KCTD8: variants seen among roughly 807,000 people sequenced by gnomAD.
KCTD8 encodes potassium channel tetramerization domain containing 8.
A neutral mutation model predicts 31.5 loss-of-function variants in KCTD8; 27 were observed. The ratio of observed to expected loss-of-function variants is 0.86; its 90% CI spans 0.63 to 1.18. The LOEUF (loss-of-function observed/expected upper bound fraction) is 1.18. KCTD8 is among the 50% of genes most tolerant of loss of function. The pLI, the probability that KCTD8 is intolerant of heterozygous loss-of-function variation, is 0.00. For missense variants in KCTD8, 658 were observed against 647.7 expected (o/e 1.02, Z -0.17); for synonymous variants, 290 against 280.0 (o/e 1.04, Z -0.36).
At chr4:44,275,227 T>C (rs1716720739) in intron 1 of KCTD8, among the ~76,000 whole-genome samples, 1 of 151,960 alleles carries the variant, frequency 6.6e-6, no homozygotes, top group Non-Finnish European at 1.5e-5. Context: ...AGATTGGTTC[T>C]TAATGTTACA....
intron 1 of KCTD8, among the ~76,000 whole-genome samples, chr4:44,205,339 C>T (rs377031339): frequency 1.3e-5 from 2 of 152,020 alleles, no homozygotes; most frequent in African/African-American, 4.8e-5. Flanking sequence ...GTGAAACGTA[C>T]CTGTAGAAAT....
At chr4:44,338,797 C>T (rs1003555351) in intron 1 of KCTD8, among the ~76,000 whole-genome samples, 6 of 152,106 alleles carry the variant, frequency 3.9e-5, no homozygotes, top group South Asian at 2.1e-4. Flanking sequence ...AAAGTAGATA[C>T]ATTTAAAATT....
chr4:44,433,434 C>T (rs557824610), intron 1 of KCTD8, among the ~76,000 whole-genome samples: 10 of 151,814 alleles, frequency 6.6e-5, no homozygotes, highest in Non-Finnish European at 1.3e-4. Context: ...TTTCTTCTGT[C>T]CCACATGGGA....
At chr4:44,433,396 G>T (rs1560453697) in intron 1 of KCTD8, among the ~76,000 whole-genome samples, 1 of 151,646 alleles carries the variant, frequency 6.6e-6, no homozygotes, top group Non-Finnish European at 1.5e-5. Flanking sequence ...ACAAAGAAAG[G>T]TCTGGGACAT....
At chr4:44,365,254 T>G (rs1452407222) in intron 1 of KCTD8, among the ~76,000 whole-genome samples, 1 of 152,068 alleles carries the variant, frequency 6.6e-6, no homozygotes, top group Non-Finnish European at 1.5e-5. Context: ...CTATTAATAC[T>G]TTTCAATAAA....
intron 1 of KCTD8, among the ~76,000 whole-genome samples, chr4:44,432,547 A>G (rs576449006): frequency 6.6e-6 from 1 of 151,808 alleles, no homozygotes; most frequent in South Asian, 2.1e-4. Context: ...TGATACTACT[A>G]CAGGTACCTC....
At chr4:44,198,260 A>T (rs1714009698) in intron 1 of KCTD8, among the ~76,000 whole-genome samples, 1 of 152,192 alleles carries the variant, frequency 6.6e-6, no homozygotes, top group South Asian at 2.1e-4. Context: ...AAATTTCCCC[A>T]ATCTTGCTAG....
intron 1 of KCTD8, among the ~76,000 whole-genome samples, chr4:44,352,449 A>T (rs1200298689): frequency 6.7e-6 from 1 of 150,162 alleles, no homozygotes. Context: ...AGAGAATAGA[A>T]TGGAAATAGT....
chr4:44,404,380 T>C (rs1720736251), intron 1 of KCTD8, among the ~76,000 whole-genome samples: 1 of 152,210 alleles, frequency 6.6e-6, no homozygotes. Flanking sequence ...AAGGGTTATA[T>C]GTAAGAAGTT....
chr4:44,371,477 T>G (rs1220778617), intron 1 of KCTD8, among the ~76,000 whole-genome samples: 1 of 152,198 alleles, frequency 6.6e-6, no homozygotes, highest in African/African-American at 2.4e-5. Context: ...CACAGAGTAA[T>G]GTCCAATAAG....
intron 1 of KCTD8, among the ~76,000 whole-genome samples, chr4:44,299,896 C>T (rs1367207000): frequency 2.0e-5 from 3 of 151,340 alleles, no homozygotes; most frequent in Admixed American, 6.6e-5. Flanking sequence ...GGACTACAGG[C>T]ACCCGCCACC....
chr4:44,340,082 T>C (rs768328135), intron 1 of KCTD8, among the ~76,000 whole-genome samples: 1 of 151,802 alleles, frequency 6.6e-6, no homozygotes, highest in African/African-American at 2.4e-5. Context: ...CAGCACTAAA[T>C]ATGTAAAAGG....
chr4:44,374,675 T>C (rs1021294283), intron 1 of KCTD8, among the ~76,000 whole-genome samples: 4 of 152,136 alleles, frequency 2.6e-5, no homozygotes, highest in South Asian at 4.2e-4. Context: ...AAGGCCACTA[T>C]AGGGAGGCTT....
chr4:44,358,189 T>C (rs7660819), intron 1 of KCTD8, among the ~76,000 whole-genome samples: 15,123 of 152,064 alleles, frequency 0.099, 831 homozygotes, highest in African/African-American at 0.13. Flanking sequence ...GAATGATGGT[T>C]TCCAGCTTCA....
chr4:44,174,304 T>C lies in KCTD8; in HGVS notation c.*486A>G, dbSNP rs1333385131. The C allele has an allele frequency of 6.5e-6, 1 of 152,764 alleles. No homozygotes were observed. Among genetic ancestry groups the C allele is most frequent in the Non-Finnish European group, 1.5e-5 (1 of 68,138 alleles). 9.5% of individuals were successfully genotyped at this position (152,764 alleles called of 1,614,324 possible). A position where few individuals can be genotyped will look rare whatever the true frequency, so the allele number is the denominator to read the frequency against. ...TATTTCTTGTGATTTATTTGTAACA[T>C]TGTATTCATGCAAAAATAATACTTG... On this transcript the variant is annotated 3_prime_UTR_variant, in exon 2 of 2. Coordinates refer to ENST00000360029, the MANE Select transcript of KCTD8 (RefSeq NM_198353.3).
intron 1 of KCTD8, among the ~76,000 whole-genome samples, chr4:44,183,684 T>A (rs1432928519): frequency 6.6e-6 from 1 of 152,178 alleles, no homozygotes; most frequent in Non-Finnish European, 1.5e-5. Context: ...TTTAAGAGTA[T>A]TTCTATATTT....
At chr4:44,324,100 TCACAAGAAAG>T (rs1264884995) in intron 1 of KCTD8, among the ~76,000 whole-genome samples, 1 of 149,936 alleles carries the variant, frequency 6.7e-6, no homozygotes, top group Admixed American at 6.6e-5. Flanking sequence ...CAAATTTTTA[TCACAAGAAAG>T]TCCAGAGAGT....
chr4:44,311,870 A>G (rs1156476414), intron 1 of KCTD8, among the ~76,000 whole-genome samples: 1 of 150,226 alleles, frequency 6.7e-6, no homozygotes, highest in South Asian at 2.1e-4. Flanking sequence ...ATCCTAGATG[A>G]CACTTAAATG....
chr4:44,419,945 G>T (rs1721173188), intron 1 of KCTD8, among the ~76,000 whole-genome samples: 1 of 151,964 alleles, frequency 6.6e-6, no homozygotes, highest in South Asian at 2.1e-4. Context: ...AAAACCGCTG[G>T]GAGTGGAGTA....
Sources: allele counts gnomAD v4.1 joint callset (sites outside exome capture counted in the v4.1 genomes callset), GRCh38; gene constraint gnomAD v4.1.1; transcripts MANE v1.5; gene names NCBI Gene and HGNC (gene_info 2026-07-23, HGNC 2026-07-21).